MVB12A: variants seen among roughly 807,000 people sequenced by gnomAD.
MVB12A encodes the protein CIN85/CD2AP family binding protein.
MVB12A carries 30 observed loss-of-function variants against 34.3 expected under a neutral mutation model. The ratio of observed to expected loss-of-function variants is 0.88; its 90% CI spans 0.65 to 1.19. The LOEUF (loss-of-function observed/expected upper bound fraction) is 1.19. Among genes scored for constraint, MVB12A ranks in the 50% most tolerant of loss-of-function variants. MVB12A has a pLI of 0.00. For synonymous variants in MVB12A, 158 were observed against 158.9 expected (o/e 0.99, Z 0.04); for missense variants, 355 against 369.2 (o/e 0.96, Z 0.31).
At chr19:17,407,394 G>A (rs984113298) in intron 2 of MVB12A, among the ~76,000 whole-genome samples, 13 of 152,118 alleles carry the variant, frequency 8.5e-5, no homozygotes, top group African/African-American at 4.8e-5. Flanking sequence ...TAGTGGCCCC[G>A]AATGTCTGGC....
chr19:17,424,933 T>G lies in MVB12A; in HGVS notation c.762T>G (p.Tyr254Ter). Reference sequence around the variant, plus strand: ...CTCTCTCTCTCCCCATCCCCCAGTATAACTACGGCTTCGTGGTGGAGAAGA... The same window carrying G: ...CTCTCTCTCTCCCCATCCCCCAGTAGAACTACGGCTTCGTGGTGGAGAAGA... ...IKSLADIEEE[Y>*]NYGFVVEKTA... Residue 254 changes from tyrosine to a stop codon, truncating the protein, a stop_gained and splice_region_variant, in exon 9 of 9, where the codon TAT becomes TAG. Coordinates refer to ENST00000317040, the MANE Select transcript of MVB12A (RefSeq NM_138401.4). LOFTEE classifies it high-confidence loss of function. 6.2e-7 allele frequency: 1 copy of G among 1,607,816 alleles called. No homozygotes were observed. Among genetic ancestry groups the G allele is most frequent in the Non-Finnish European group, 8.5e-7 (1 of 1,176,544 alleles).
chr19:17,410,557 CAT>C (rs1275877106), intron 2 of MVB12A, among the ~76,000 whole-genome samples: 44 of 125,552 alleles, frequency 3.5e-4, no homozygotes, highest in African/African-American at 1.4e-3. Context: ...TATACACACA[CAT>C]ATATATACAT....
chr19:17,408,267 G>A (rs1242982633), intron 2 of MVB12A, among the ~76,000 whole-genome samples: 9 of 151,942 alleles, frequency 5.9e-5, no homozygotes, highest in Admixed American at 5.9e-4. Context: ...TGGGATGGGT[G>A]CAGTGGCTCA....
At chr19:17,407,054 T>C (rs957934089) in intron 2 of MVB12A, among the ~76,000 whole-genome samples, 2 of 152,136 alleles carry the variant, frequency 1.3e-5, no homozygotes, top group African/African-American at 2.4e-5. Flanking sequence ...GAAATCACAA[T>C]TGCATGAATT....
chr19:17,415,919 G>T (rs1211124237), upstream of MVB12A, among the ~76,000 whole-genome samples: 2 of 152,218 alleles, frequency 1.3e-5, no homozygotes, highest in African/African-American at 4.8e-5. Context: ...CCCAACTGAT[G>T]AAATCACCAT....
chr19:17,422,840 C>A, intron 4 of MVB12A: 1 of 152,988 alleles, frequency 6.5e-6, no homozygotes. Flanking sequence ...GTCCCAGCTA[C>A]TTGGGAGGCT....
upstream of MVB12A, chr19:17,415,645 A>C (rs2074794920): frequency 1.3e-5 from 2 of 152,290 alleles, no homozygotes; most frequent in South Asian, 2.1e-4. Context: ...TATAAAAGTA[A>C]ATCAAGCCCC....
At chr19:17,422,181 A>G (rs2074842420) in intron 3 of MVB12A, 151 bp from the exon 4 acceptor site, 2 of 611,188 alleles carry the variant, frequency 3.3e-6, no homozygotes, top group African/African-American at 1.8e-5. Context: ...TATACCATTC[A>G]TGATTTAACC....
upstream of MVB12A, chr19:17,417,139 C>T (rs77965708): frequency 5.8e-3 from 1,510 of 258,148 alleles, 16 homozygotes; most frequent in African/African-American, 0.033. Flanking sequence ...CATATTTCTT[C>T]TTCAGCTTTG....
chr19:17,413,160 G>C (rs566424830), intron 2 of MVB12A: 35 of 151,668 alleles, frequency 2.3e-4, no homozygotes, highest in African/African-American at 7.8e-4. Context: ...CCATGCATTC[G>C]GGAAAGGAAC....
At chr19:17,424,876 T>A (rs2074860727) in intron 8 of MVB12A, 55 bp from the exon 9 acceptor site, 3 of 1,379,568 alleles carry the variant, frequency 2.2e-6, no homozygotes, top group African/African-American at 1.4e-5. Flanking sequence ...TCACTCCCCC[T>A]TTGGCCCTCT....
At position 17,420,233 on chromosome 19, in the gene MVB12A, G is replaced by T. The variant is rs777180057; in HGVS notation, c.90+8G>T. 8.7e-6 allele frequency: 13 copies of T among 1,500,866 alleles called. No individual in the cohort carries two copies. In the Admixed American group the frequency reaches 2.1e-4, roughly 25 times the overall value. The allele number at this position is 1,500,866 out of a possible 1,614,324, so 93.0% of individuals were successfully genotyped here. A position where few individuals can be genotyped will look rare whatever the true frequency, so the allele number is the denominator to read the frequency against. ...CCGCGGGGGTTCAGCGCGGTGAGCG[G>T]CGTCGAGGGGCGGGGGTCGAATGGG... On this transcript the variant is annotated splice_region_variant and intron_variant, in intron 1 of 8. Coordinates refer to ENST00000317040, the MANE Select transcript of MVB12A (RefSeq NM_138401.4).
chr19:17,406,805 A>G (rs566680702), intron 2 of MVB12A, among the ~76,000 whole-genome samples: 5 of 152,286 alleles, frequency 3.3e-5, no homozygotes, highest in African/African-American at 1.2e-4. Context: ...GTGGGATCCC[A>G]TCTCTTAAAC....
chr19:17,424,157 AG>A, intron 7 of MVB12A, 90 bp downstream of exon 7: 1 of 1,297,916 alleles, frequency 7.7e-7, no homozygotes, highest in East Asian at 2.3e-5. Flanking sequence ...CCCAGCACAG[AG>A]GGCCACATCC....
rs1003291164 is a variant in MVB12A at position 17,420,202 on chromosome 19, C to A, written c.67C>A (p.Pro23Thr). 2.5e-5 allele frequency: 36 copies of A among 1,469,206 alleles called. No homozygotes were observed. The highest frequency in any genetic ancestry group is 3.0e-5 in the Non-Finnish European group (33 of 1,117,502). 91.0% of individuals were successfully genotyped at this position (1,469,206 alleles called of 1,614,324 possible). The change falls in exon 1 of 9, where the codon CCC (proline) becomes ACC (threonine). Residue 23 changes from proline (P) to threonine (T), a missense_variant. Transcript: ENST00000317040. ...CCTGGCCTGGTCGTCGGCCTCTGCA[C>A]CCCCGCCGCGGGGGTTCAGCGCGGT... Reference protein sequence around the residue: ...AGLAWSSASAPPPRGFSAISC... With the variant: ...AGLAWSSASATPPRGFSAISC...
chr19:17,408,675 G>A (rs983723966), intron 2 of MVB12A, among the ~76,000 whole-genome samples: 2 of 150,974 alleles, frequency 1.3e-5, no homozygotes, highest in Admixed American at 6.6e-5. Flanking sequence ...TTGAACTCCT[G>A]ACCTCAGGTG....
intron 8 of MVB12A, 82 bp from the exon 9 acceptor site, chr19:17,424,849 A>C (rs4808637): frequency 0.85 from 987,936 of 1,162,090 alleles, 426,401 homozygotes; most frequent in Non-Finnish European, 0.9. Context: ...CTAAGTACCC[A>C]CTCTGCCATT....
intron 3 of MVB12A, among the ~76,000 whole-genome samples, chr19:17,421,653 G>A (rs757250433): frequency 1.3e-4 from 20 of 151,904 alleles, no homozygotes; most frequent in Non-Finnish European, 2.1e-4. Context: ...TATGAAACCA[G>A]GCCTTAGGCT....
chr19:17,424,755 C>G, intron 8 of MVB12A, 78 bp downstream of exon 8: 2 of 1,516,904 alleles, frequency 1.3e-6, no homozygotes, highest in South Asian at 2.5e-5. Context: ...GCCCCTCGTC[C>G]GCCCCAGGCT....
Sources: allele counts gnomAD v4.1 joint callset (sites outside exome capture counted in the v4.1 genomes callset), GRCh38; gene constraint gnomAD v4.1.1; transcripts MANE v1.5; gene names NCBI Gene and HGNC (gene_info 2026-07-23, HGNC 2026-07-21).